EYA2: variants seen among roughly 807,000 people sequenced by gnomAD.
The protein encoded by EYA2 is EYA transcriptional coactivator and phosphatase 2, also known as protein phosphatase EYA2.
EYA2 carries 31 observed loss-of-function variants against 69.2 expected under a neutral mutation model. That is an observed-to-expected ratio of 0.45 (90% confidence interval 0.34 to 0.60). EYA2 has a LOEUF of 0.60. EYA2 is among the 20% of genes least tolerant of loss of function. The pLI is 0.02. For synonymous variants in EYA2, 257 were observed against 279.4 expected (o/e 0.92, Z 0.80); for missense variants, 622 against 701.2 (o/e 0.89, Z 1.28).
chr20:46,907,543 A>G (rs1984418667), intron 1 of EYA2, among the ~76,000 whole-genome samples: 1 of 152,226 alleles, frequency 6.6e-6, no homozygotes, highest in African/African-American at 2.4e-5. Context: ...AGGAACACAT[A>G]AAAACAAGCG....
At chr20:46,987,688 A>C (rs1700811543) in intron 1 of EYA2, among the ~76,000 whole-genome samples, 1 of 152,088 alleles carries the variant, frequency 6.6e-6, no homozygotes, top group South Asian at 2.1e-4. Context: ...ACACTTTGGG[A>C]GGCTGAGGCA....
Position 47,152,011 on chromosome 20 carries a change from G to A in EYA2, c.978+8863G>A, listed in dbSNP as rs116502012. ...TTTGACTTTATTAGAAATTAAGTAG[G>A]TTAACGTCGTCCATACAAAACAGGA... On this transcript the variant is annotated intron_variant, in intron 10 of 15. Coordinates refer to ENST00000327619, the MANE Select transcript of EYA2 (RefSeq NM_005244.5). Among the ~76,000 whole-genome samples the A allele has an allele frequency of 2.0e-3, 301 of 152,138 alleles. 1 individual carries two copies. The highest frequency in any genetic ancestry group is 7.0e-3 in the African/African-American group (293 of 41,572).
intron 5 of EYA2, among the ~76,000 whole-genome samples, chr20:47,038,399 G>A (rs1293506941): frequency 1.3e-5 from 2 of 152,224 alleles, no homozygotes; most frequent in African/African-American, 4.8e-5. Context: ...GCTAAGGTGG[G>A]AGGATTGCTT....
rs1339530988 is a variant in EYA2 at position 47,072,174 on chromosome 20, C to G, written c.416-11C>G. ...AACCCTAACCTGTACCCCTGTTCCT[C>G]CTTCCCACAGGCACAACAGGGTTCT... On this transcript the variant is annotated splice_polypyrimidine_tract_variant and intron_variant, in intron 5 of 15. Coordinates refer to ENST00000327619, the MANE Select transcript of EYA2 (RefSeq NM_005244.5). 1 of 1,611,814 alleles carries G rather than the reference C, an allele frequency of 6.2e-7. No individual in the cohort carries two copies. Among genetic ancestry groups the G allele is most frequent in the South Asian group, 1.1e-5 (1 of 90,568 alleles).
At chr20:47,047,404 T>TTTTTTTTTTTTTTG (rs2030099504) in intron 5 of EYA2, among the ~76,000 whole-genome samples, 1 of 152,096 alleles carries the variant, frequency 6.6e-6, no homozygotes, top group Admixed American at 6.5e-5. Context: ...CTCTTTTTTT[T>TTTTTTTTTTTTTTG]GAGACAAAGT....
intron 2 of EYA2, among the ~76,000 whole-genome samples, chr20:46,996,452 G>A (rs1340365799): frequency 6.6e-6 from 1 of 152,156 alleles, no homozygotes; most frequent in East Asian, 1.9e-4. Flanking sequence ...AGCATCACCT[G>A]GAGGCTTCCT....
chr20:46,898,543 A>G (rs1983931293), intron 1 of EYA2, among the ~76,000 whole-genome samples: 1 of 152,068 alleles, frequency 6.6e-6, no homozygotes, highest in African/African-American at 2.4e-5. Context: ...ACAGTCCTAA[A>G]CATACAAAAC....
chr20:46,988,384 A>G (rs1422569953), intron 1 of EYA2, among the ~76,000 whole-genome samples: 1 of 152,124 alleles, frequency 6.6e-6, no homozygotes. Flanking sequence ...CTTTTGACTT[A>G]GAGCAGTTTG....
chr20:47,001,321 G>A, intron 2 of EYA2, 107 bp from the exon 3 acceptor site: 1 of 920,058 alleles, frequency 1.1e-6, no homozygotes, highest in Non-Finnish European at 1.8e-6. Context: ...GCCGCGGGCA[G>A]CACCCCTCCA....
At chr20:46,925,035 C>T (rs1382943283) in intron 1 of EYA2, among the ~76,000 whole-genome samples, 4 of 150,496 alleles carry the variant, frequency 2.7e-5, no homozygotes, top group South Asian at 2.1e-4. Context: ...GGTGGCCATC[C>T]GTCCTTGGCA....
chr20:46,928,379 G>C (rs1985506024), intron 1 of EYA2, among the ~76,000 whole-genome samples: 1 of 152,216 alleles, frequency 6.6e-6, no homozygotes, highest in Non-Finnish European at 1.5e-5. Context: ...AATGGGAGGA[G>C]AGTAGTAATG....
intron 8 of EYA2, 129 bp downstream of exon 8, chr20:47,089,510 A>G (rs2032007589): frequency 1.8e-6 from 2 of 1,107,040 alleles, no homozygotes; most frequent in Non-Finnish European, 2.5e-6. Flanking sequence ...AAGCATGAGC[A>G]GGGAAGCATG....
At chr20:47,179,989 A>C (rs2034507152) in intron 13 of EYA2, 77 bp downstream of exon 13, 2 of 1,013,782 alleles carry the variant, frequency 2.0e-6, no homozygotes, top group Non-Finnish European at 3.1e-6. Flanking sequence ...GCATGTCCAC[A>C]CTTGGGAGAA....
chr20:47,114,514 C>A (rs1186424555), intron 9 of EYA2, among the ~76,000 whole-genome samples: 1 of 152,178 alleles, frequency 6.6e-6, no homozygotes, highest in Non-Finnish European at 1.5e-5. Flanking sequence ...ACTCAGGAGG[C>A]TGAGGCAAAA....
At chr20:47,154,860 T>TGTGTGTGTGTG (rs765107896) in intron 10 of EYA2, among the ~76,000 whole-genome samples, 3 of 147,268 alleles carry the variant, frequency 2.0e-5, no homozygotes, top group Non-Finnish European at 4.5e-5. Context: ...TGTGTGTGTG[T>TGTGTGTGTGTG]TTTGAGATGG....
At chr20:47,094,361 C>T (rs2032183824) in intron 8 of EYA2, among the ~76,000 whole-genome samples, 1 of 152,190 alleles carries the variant, frequency 6.6e-6, no homozygotes, top group Non-Finnish European at 1.5e-5. Context: ...AACATTTTTA[C>T]CATGACCCGT....
intron 9 of EYA2, among the ~76,000 whole-genome samples, chr20:47,104,475 C>T (rs1182123384): frequency 6.6e-6 from 1 of 151,938 alleles, no homozygotes; most frequent in Non-Finnish European, 1.5e-5. Context: ...GTTACTTTTG[C>T]TTTTGGTGTC....
intron 5 of EYA2, among the ~76,000 whole-genome samples, chr20:47,019,484 T>C (rs1600644541): frequency 6.6e-6 from 1 of 152,162 alleles, no homozygotes; most frequent in East Asian, 1.9e-4. Context: ...ACTTTTTTTT[T>C]TTCTGAGTTG....
intron 2 of EYA2, among the ~76,000 whole-genome samples, chr20:46,990,634 C>T (rs1258398676): frequency 6.6e-6 from 1 of 152,200 alleles, no homozygotes; most frequent in Admixed American, 6.5e-5. Context: ...ATGATGCAGT[C>T]GAACTAGTTT....
Sources: allele counts gnomAD v4.1 joint callset (sites outside exome capture counted in the v4.1 genomes callset), GRCh38; gene constraint gnomAD v4.1.1; transcripts MANE v1.5; gene names NCBI Gene and HGNC (gene_info 2026-07-23, HGNC 2026-07-21).